The following FRMD4B variants were observed in gnomAD, a reference collection of about 807,000 sequenced individuals.
The protein encoded by FRMD4B is FERM domain-containing protein 4B.
A neutral mutation model predicts 141.5 loss-of-function variants in FRMD4B; 74 were observed. That is an observed-to-expected ratio of 0.52 (90% CI 0.43 to 0.63). FRMD4B has a LOEUF of 0.63. Ranked by LOEUF, FRMD4B falls within the 30% of genes least tolerant of loss-of-function variation. FRMD4B has a pLI of 0.00. For missense variants in FRMD4B, 1,366 were observed against 1,253.4 expected (o/e 1.09, Z -1.36); for synonymous variants, 506 against 467.9 (o/e 1.08, Z -1.05).
chr3:69,291,933 T>C (rs936930216), intron 4 of FRMD4B, among the ~76,000 whole-genome samples: 9 of 89,914 alleles, frequency 1.0e-4, no homozygotes, highest in Admixed American at 6.3e-4. Flanking sequence ...TTTTTTTTTT[T>C]CCATCTTTGG....
Position 69,455,655 on chromosome 3 carries a change from G to A in FRMD4B, c.-128-22894C>T, listed in dbSNP as rs572902846. The stretch of plus-strand genomic sequence containing the variant: ...GAGGGTCCGTGGCTTCATTCTTGAA[G>A]TCAGTGAGACCAAAAACCCACCAAT... On this transcript the variant is annotated intron_variant, in intron 1 of 5. Coordinates refer to the FRMD4B transcript ENST00000459638. Among the ~76,000 whole-genome samples, 9 of 151,792 alleles carry A rather than the reference G, an allele frequency of 5.9e-5. No individual in the cohort carries two copies. In the South Asian group the frequency reaches 1.9e-3, roughly 32 times the overall value.
chr3:69,396,454 G>C (rs1350759726), intron 2 of FRMD4B, among the ~76,000 whole-genome samples: 1 of 151,942 alleles, frequency 6.6e-6, no homozygotes, highest in Non-Finnish European at 1.5e-5. Context: ...GCAGTGAGCT[G>C]TGATGGCATC....
In FRMD4B at chr3:69,181,350, C is replaced by A. The variant is rs555866791; in HGVS notation, c.2400G>T (p.Pro800=). Residue 800 remains proline (P), a synonymous_variant, in exon 21 of 23, where the codon CCG becomes CCT. Coordinates refer to ENST00000398540, the MANE Select transcript of FRMD4B (RefSeq NM_015123.3). ...ACCCGGCAATGTAGTAACTGGAAGA[C>A]GGTGGCTCCTGACTCTTTGAGTAAA... ...NGVYSKSQEP[P]SSSYYIAGYT... 13 of 1,613,856 alleles carry A rather than the reference C, an allele frequency of 8.1e-6. No homozygotes were observed. In the South Asian group the frequency reaches 1.4e-4, roughly 18 times the overall value.
Position 69,359,516 on chromosome 3 carries a change from C to T in FRMD4B, c.162+26312G>A, listed in dbSNP as rs1462300001. Among the ~76,000 whole-genome samples, 4 of 152,222 alleles carry T rather than the reference C, an allele frequency of 2.6e-5. No individual in the cohort carries two copies. In the East Asian group the frequency reaches 7.7e-4, roughly 29 times the overall value. ...TTATTTAAGGTCTCCTTCAGGATCACATGTTTTAGCAGCTGGAGGGGGTGC... is the reference window on the plus strand; with the variant it reads ...TTATTTAAGGTCTCCTTCAGGATCATATGTTTTAGCAGCTGGAGGGGGTGC... On this transcript the variant is annotated intron_variant, in intron 1 of 22. Coordinates refer to ENST00000398540, the MANE Select transcript of FRMD4B (RefSeq NM_015123.3).
intron 7 of FRMD4B, among the ~76,000 whole-genome samples, chr3:69,232,517 C>A (rs1423146027): frequency 6.6e-6 from 1 of 152,174 alleles, no homozygotes; most frequent in Non-Finnish European, 1.5e-5. Context: ...CATTCTGAAG[C>A]CCCCCTTTCA....
chr3:69,464,720 G>A (rs1444058301), intron 1 of FRMD4B, among the ~76,000 whole-genome samples: 1 of 152,136 alleles, frequency 6.6e-6, no homozygotes, highest in Non-Finnish European at 1.5e-5. Context: ...ATGCAATGGG[G>A]CTCCTAAGGG....
chr3:69,506,118 G>A (rs1575594555), intron 1 of FRMD4B, among the ~76,000 whole-genome samples: 1 of 152,220 alleles, frequency 6.6e-6, no homozygotes, highest in East Asian at 1.9e-4. Context: ...AGCAACAAAG[G>A]TGGTTAAAAA....
intron 1 of FRMD4B, among the ~76,000 whole-genome samples, chr3:69,527,419 G>T (rs545299897): frequency 6.6e-6 from 1 of 152,118 alleles, no homozygotes; most frequent in Non-Finnish European, 1.5e-5. Context: ...AATACCCAGT[G>T]TTTCCAAATT....
At chr3:69,538,659 C>T (rs1701119689) in intron 1 of FRMD4B, among the ~76,000 whole-genome samples, 1 of 152,108 alleles carries the variant, frequency 6.6e-6, no homozygotes, top group African/African-American at 2.4e-5. Flanking sequence ...CACCAGGAAG[C>T]ATGAGATAAA....
chr3:69,263,361 C>T (rs2093540342), intron 5 of FRMD4B, among the ~76,000 whole-genome samples: 1 of 149,180 alleles, frequency 6.7e-6, no homozygotes, highest in South Asian at 2.1e-4. Flanking sequence ...TCTTCTGTTT[C>T]CTTGACGTTG....
chr3:69,223,110 C>T (rs2093213356), intron 8 of FRMD4B, among the ~76,000 whole-genome samples: 1 of 151,992 alleles, frequency 6.6e-6, no homozygotes, highest in South Asian at 2.1e-4. Flanking sequence ...CTTTTATTGC[C>T]CTAGAGTAAA....
At chr3:69,494,308 G>A (rs137944108) in intron 1 of FRMD4B, among the ~76,000 whole-genome samples, 1 of 152,312 alleles carries the variant, frequency 6.6e-6, no homozygotes, top group African/African-American at 2.4e-5. Context: ...CTGAGGAGAT[G>A]ATTGGGCACG....
chr3:69,212,832 G>A (rs1422543458), intron 11 of FRMD4B, among the ~76,000 whole-genome samples: 1 of 152,150 alleles, frequency 6.6e-6, no homozygotes, highest in Non-Finnish European at 1.5e-5. Context: ...AGACTCCTGA[G>A]TGTTATTTCT....
chr3:69,264,516 G>A (rs374925011), intron 5 of FRMD4B, among the ~76,000 whole-genome samples: 329 of 152,218 alleles, frequency 2.2e-3, no homozygotes, highest in African/African-American at 7.7e-3. Context: ...AGGGATCCCA[G>A]GTTTTTGAAC....
At chr3:69,359,423 T>C (rs1416250091) in intron 1 of FRMD4B, among the ~76,000 whole-genome samples, 1 of 152,136 alleles carries the variant, frequency 6.6e-6, no homozygotes, top group Non-Finnish European at 1.5e-5. Context: ...AAAGGAAAAG[T>C]ACCAAATACA....
intron 1 of FRMD4B, among the ~76,000 whole-genome samples, chr3:69,501,208 A>G (rs1016871643): frequency 1.3e-5 from 2 of 150,280 alleles, no homozygotes; most frequent in Non-Finnish European, 2.9e-5. Flanking sequence ...AAAACACTAT[A>G]AGGTTTATGC....
At chr3:69,325,714 A>G (rs935804089) in intron 1 of FRMD4B, among the ~76,000 whole-genome samples, 1 of 152,156 alleles carries the variant, frequency 6.6e-6, no homozygotes, top group Non-Finnish European at 1.5e-5. Context: ...AACTGATTAT[A>G]AACTCTACCT....
At chr3:69,504,738 G>A (rs1359897752) in intron 1 of FRMD4B, among the ~76,000 whole-genome samples, 3 of 152,140 alleles carry the variant, frequency 2.0e-5, no homozygotes, top group Admixed American at 2.0e-4. Context: ...TTTCCAAGAT[G>A]AATAATCTTA....
At position 69,182,638 on chromosome 3, in the gene FRMD4B, G is replaced by C; in HGVS notation, c.1999C>G (p.Pro667Ala). ...PQGGRSMPTTPVLTRNAYSSS... is the reference protein window; with the variant it reads ...PQGGRSMPTTAVLTRNAYSSS... ...CTGTAGGCGTTTCGGGTAAGAACTGGCGTGGTGGGCATGCTTCGTCCTCCC... is the reference window on the plus strand; with the variant it reads ...CTGTAGGCGTTTCGGGTAAGAACTGCCGTGGTGGGCATGCTTCGTCCTCCC... The change falls in exon 20 of 23, where the codon CCA becomes GCA. Residue 667 changes from proline to alanine, a missense_variant. Pro to Ala is a conservative substitution (Grantham distance 27). Coordinates refer to ENST00000398540, the MANE Select transcript of FRMD4B (RefSeq NM_015123.3). 1 of 1,613,856 alleles carries C rather than the reference G, an allele frequency of 6.2e-7. No homozygotes were observed. The highest frequency in any genetic ancestry group is 8.5e-7 in the Non-Finnish European group (1 of 1,179,822).
Sources: gnomAD v4.1 joint callset for allele counts (sites outside exome capture counted in the v4.1 genomes callset) on GRCh38, gnomAD v4.1.1 for gene constraint, MANE v1.5 for transcripts, NCBI Gene and HGNC (gene_info 2026-07-23, HGNC 2026-07-21) for gene names.